The following ZRANB2 variants were observed in gnomAD, a reference collection of about 807,000 sequenced individuals.
The protein encoded by ZRANB2 is zinc finger Ran-binding domain-containing protein 2.
In ZRANB2, 19 loss-of-function variants were observed where a neutral mutation model predicts 53.4. That is an observed-to-expected ratio of 0.36 (90% confidence interval 0.25 to 0.52). ZRANB2 has a LOEUF of 0.52. Ranked by LOEUF, ZRANB2 falls within the 20% of genes least tolerant of loss-of-function variation. The pLI is 0.93. For missense variants in ZRANB2, 309 were observed against 401.1 expected, an observed-to-expected ratio of 0.77 and a Z score of 1.96; for synonymous variants, 145 against 134.8, an observed-to-expected ratio of 1.08 and a Z score of -0.52.
chr1:71,065,206 G>C (rs1474360417), intron 9 of ZRANB2, 69 bp from the exon 10 acceptor site: 4 of 1,254,626 alleles, frequency 3.2e-6, no homozygotes, highest in Non-Finnish European at 4.5e-6. Context: ...TCATTCTTAA[G>C]ACTGTGAAAG....
chr1:71,079,210 C>T (rs1661778813), intron 1 of ZRANB2, among the ~76,000 whole-genome samples: 1 of 151,914 alleles, frequency 6.6e-6, no homozygotes, highest in Non-Finnish European at 1.5e-5. Flanking sequence ...ACTAAAAATA[C>T]AAAAAGATTC....
chr1:71,069,427 C>G lies in ZRANB2; in HGVS notation c.684-65G>C, dbSNP rs1434852081. 4.9e-6 allele frequency: 6 copies of G among 1,219,014 alleles called. No homozygotes were observed. The African/African-American group carries it at 7.5e-5, about 15-fold the overall frequency. 75.5% of individuals were successfully genotyped at this position (1,219,014 alleles called of 1,614,324 possible). A position where few individuals can be genotyped will look rare whatever the true frequency, so the allele number is the denominator to read the frequency against. On this transcript the variant is annotated intron_variant, in intron 7 of 9. Coordinates refer to ENST00000370920, the MANE Select transcript of ZRANB2 (RefSeq NM_203350.3). ...TTAATTGAGCTTTGTGATATGAACA[C>G]TGAAAGAAAGATATGTATTAGAGTT...
intron 9 of ZRANB2, chr1:71,065,858 T>A (rs1210472476): frequency 6.7e-7 from 1 of 1,503,224 alleles, no homozygotes; most frequent in Non-Finnish European, 9.1e-7. Flanking sequence ...AGCAACAGAA[T>A]GAATTCCACT....
At chr1:71,068,483 A>G (rs2101043055) in intron 8 of ZRANB2, among the ~76,000 whole-genome samples, 1 of 152,344 alleles carries the variant, frequency 6.6e-6, no homozygotes, top group South Asian at 2.1e-4. Flanking sequence ...GACTACATGC[A>G]ACCTGAAACT....
intron 1 of ZRANB2, among the ~76,000 whole-genome samples, chr1:71,080,149 A>G (rs575591127): frequency 3.0e-4 from 45 of 152,306 alleles, no homozygotes; most frequent in African/African-American, 1.1e-3. Flanking sequence ...TGTGAACATG[A>G]GTTGTACATT....
chr1:71,065,114 G>A lies in ZRANB2; in HGVS notation c.953C>T (p.Ser318Leu). 6.2e-7 allele frequency: 1 copy of A among 1,611,666 alleles called. No individual in the cohort carries two copies. The highest frequency in any genetic ancestry group is 8.5e-7 in the Non-Finnish European group (1 of 1,178,480). Residue 318 changes from serine (S) to leucine (L), a missense_variant, in exon 10 of 10, where the codon TCA (serine) becomes TTA (leucine). Coordinates refer to ENST00000370920, the MANE Select transcript of ZRANB2 (RefSeq NM_203350.3). ...PERRHRSSSGSSHSGSRSSSK... is the reference protein window; with the variant it reads ...PERRHRSSSGLSHSGSRSSSK... ...ACTTGAACGGGAACCAGAATGGGAT[G>A]ATCCAGATGATGACCTGTGGCGTCT...
rs966270385 is a variant in ZRANB2, at chr1:71,067,051, T to A, written c.771-117A>T. On this transcript the variant is annotated intron_variant, in intron 8 of 9. Coordinates refer to ENST00000370920, the MANE Select transcript of ZRANB2 (RefSeq NM_203350.3). The stretch of plus-strand genomic sequence containing the variant: ...ATTTATAACAACTATGAAAATTTTA[T>A]AAGGAAGAATACTTACTGCTTATTC... 7.2e-6 allele frequency: 7 copies of A among 977,920 alleles called. No homozygotes were observed. In the East Asian group the frequency reaches 2.0e-4, roughly 27 times the overall value. 60.6% of individuals were successfully genotyped at this position (977,920 alleles called of 1,614,324 possible). A position where few individuals can be genotyped will look rare whatever the true frequency, so the allele number is the denominator to read the frequency against.
At chr1:71,071,036 G>A in intron 6 of ZRANB2, 40 bp from the exon 7 acceptor site, 1 of 1,472,664 alleles carries the variant, frequency 6.8e-7, no homozygotes, top group Middle Eastern at 2.6e-4. Context: ...TTAGATATTA[G>A]TGTTACCTAC....
At chr1:71,070,010 T>G (rs976514207) in intron 7 of ZRANB2, among the ~76,000 whole-genome samples, 1 of 152,138 alleles carries the variant, frequency 6.6e-6, no homozygotes, top group Non-Finnish European at 1.5e-5. Context: ...GATCACTATA[T>G]TTTTACCAAA....
At chr1:71,068,471 G>A (rs1661509777) in intron 8 of ZRANB2, among the ~76,000 whole-genome samples, 1 of 152,150 alleles carries the variant, frequency 6.6e-6, no homozygotes, top group African/African-American at 2.4e-5. Context: ...CTCTACAGAT[G>A]TGACTACATG....
Position 71,064,959 on chromosome 1 carries a change from A to G in ZRANB2, c.*115T>C, listed in dbSNP as rs772045580. On this transcript the variant is annotated 3_prime_UTR_variant, in exon 10 of 10. Transcript: ENST00000370920. ...CTGTATTGTTTTGAAAAGCAATGAA[A>G]GGCATGCACCTCTACTAGCAGATTT... 241 of 586,404 alleles carry G rather than the reference A, an allele frequency of 4.1e-4. 1 individual carries two copies. The highest frequency in any genetic ancestry group is 6.6e-4 in the Non-Finnish European group (221 of 333,516). The allele number at this position is 586,404 out of a possible 1,614,324, so 36.3% of individuals were successfully genotyped here. A position where few individuals can be genotyped will look rare whatever the true frequency, so the allele number is the denominator to read the frequency against.
intron 3 of ZRANB2, among the ~76,000 whole-genome samples, 180 bp downstream of exon 3, chr1:71,078,277 G>A (rs1317200531): frequency 6.6e-6 from 1 of 152,144 alleles, no homozygotes; most frequent in South Asian, 2.1e-4. Flanking sequence ...ATTAAAAAAT[G>A]CAAAGAATAA....
intron 4 of ZRANB2, among the ~76,000 whole-genome samples, chr1:71,073,209 A>C (rs987296724): frequency 6.6e-6 from 1 of 152,126 alleles, no homozygotes; most frequent in Non-Finnish European, 1.5e-5. Context: ...ACCAATGTAT[A>C]CAATTCAATT....
chr1:71,072,750 C>T (rs562248686), intron 4 of ZRANB2, among the ~76,000 whole-genome samples: 1 of 152,156 alleles, frequency 6.6e-6, no homozygotes, highest in South Asian at 2.1e-4. Context: ...TATGGCTGTA[C>T]TTCTAGCTCT....
intron 6 of ZRANB2, 97 bp from the exon 7 acceptor site, chr1:71,071,093 A>G (rs188989853): frequency 2.4e-5 from 24 of 982,884 alleles, no homozygotes; most frequent in East Asian, 8.6e-5. Context: ...CCATATGCAT[A>G]TATCACAGGT....
chr1:71,080,843 A>T, intron 1 of ZRANB2, 97 bp downstream of exon 1: 1 of 1,443,854 alleles, frequency 6.9e-7, no homozygotes, highest in Non-Finnish European at 9.7e-7. Context: ...ACCCGTCTTA[A>T]GGCACAGAAA....
chr1:71,066,002 C>T (rs899402767), intron 9 of ZRANB2: 3 of 358,500 alleles, frequency 8.4e-6, no homozygotes, highest in Non-Finnish European at 1.5e-5. Context: ...ATGAGATAAT[C>T]CTACCACTGA....
At chr1:71,079,888 A>G (rs1378282522) in intron 1 of ZRANB2, among the ~76,000 whole-genome samples, 3 of 152,178 alleles carry the variant, frequency 2.0e-5, no homozygotes, top group Admixed American at 2.0e-4. Context: ...TTAGGCTTGA[A>G]CTACTCCTTC....
intron 6 of ZRANB2, among the ~76,000 whole-genome samples, chr1:71,071,687 C>A (rs1482189358): frequency 6.6e-6 from 1 of 152,058 alleles, no homozygotes; most frequent in Non-Finnish European, 1.5e-5. Flanking sequence ...ATTTAGGGAA[C>A]CCGTATTTGC....
Sources: gnomAD v4.1 joint callset for allele counts (sites outside exome capture counted in the v4.1 genomes callset) on GRCh38, gnomAD v4.1.1 for gene constraint, MANE v1.5 for transcripts, NCBI Gene and HGNC (gene_info 2026-07-23, HGNC 2026-07-21) for gene names.